The following PRRC1 variants were observed in gnomAD, a reference collection of about 807,000 sequenced individuals.
PRRC1 encodes protein PRRC1.
A neutral mutation model predicts 40.7 loss-of-function variants in PRRC1; 39 were observed. The ratio of observed to expected loss-of-function variants is 0.96; its 90% CI spans 0.74 to 1.25. The LOEUF (loss-of-function observed/expected upper bound fraction) is 1.25. PRRC1 is among the 50% of genes most tolerant of loss of function. The pLI is 0.00. For synonymous variants in PRRC1, 175 were observed against 193.3 expected (o/e 0.91, Z 0.79); for missense variants, 573 against 548.3 (o/e 1.05, Z -0.45).
intron 5 of PRRC1, 31 bp downstream of exon 5, chr5:127,530,427 ATTT>A: frequency 7.5e-7 from 1 of 1,335,484 alleles, no homozygotes; most frequent in Non-Finnish European, 1.0e-6. Context: ...GGTATCTGCC[ATTT>A]TTTTTTTAAG....
Position 127,554,097 on chromosome 5 carries a change from G to A in PRRC1, c.*2181G>A, listed in dbSNP as rs1482589966. ...GATTTCCCTGTTGTAAAAGGGGCAA[G>A]AAAAGTAACTCATCATCTCTAACAC... On this transcript the variant is annotated 3_prime_UTR_variant, in exon 9 of 9. Coordinates refer to ENST00000296666, the MANE Select transcript of PRRC1 (RefSeq NM_130809.5). 1 of 528,134 alleles carries A rather than the reference G, an allele frequency of 1.9e-6. No individual in the cohort carries two copies. The highest frequency in any genetic ancestry group is 3.2e-6 in the Non-Finnish European group (1 of 308,170). 32.7% of individuals were successfully genotyped at this position (528,134 alleles called of 1,614,324 possible).
chr5:127,534,863 C>T (rs1412740002), intron 6 of PRRC1, among the ~76,000 whole-genome samples: 1 of 152,204 alleles, frequency 6.6e-6, no homozygotes, highest in Non-Finnish European at 1.5e-5. Context: ...TCCACACTTG[C>T]TCCCTCTAGC....
At chr5:127,542,567 G>A (rs1768078688) in intron 7 of PRRC1, among the ~76,000 whole-genome samples, 3 of 150,640 alleles carry the variant, frequency 2.0e-5, no homozygotes, top group Non-Finnish European at 1.5e-5. Context: ...CCTGTATTGG[G>A]TGCATATATA....
At position 127,551,912 on chromosome 5, in the gene PRRC1, T is replaced by A; in HGVS notation, c.1334T>A (p.Val445Glu). 1 of 1,614,018 alleles carries A rather than the reference T, an allele frequency of 6.2e-7. No homozygotes were observed. The highest frequency in any genetic ancestry group is 8.5e-7 in the Non-Finnish European group (1 of 1,179,938). The change falls in exon 9 of 9, where the codon GTG becomes GAG. Residue 445 changes from valine to glutamate, a missense_variant. Coordinates refer to ENST00000296666, the MANE Select transcript of PRRC1 (RefSeq NM_130809.5). Reference protein sequence around the residue: ...MYKQRLPPRTV With the variant: ...MYKQRLPPRTE ...AAACAGCGCCTGCCACCCAGGACAG[T>A]GTGAGAGGAGACCTACCTGGGAGAC...
Position 127,552,359 on chromosome 5 carries a change from G to A in PRRC1, c.*443G>A. ...TGTCAGTCTTTGACTACTTTTGTATGTGCACACGATCTCAGGGCTGGTGCT... is the reference window on the plus strand; with the variant it reads ...TGTCAGTCTTTGACTACTTTTGTATATGCACACGATCTCAGGGCTGGTGCT... On this transcript the variant is annotated 3_prime_UTR_variant, in exon 9 of 9. Coordinates refer to ENST00000296666, the MANE Select transcript of PRRC1 (RefSeq NM_130809.5). 1 of 1,012,126 alleles carries A rather than the reference G, an allele frequency of 9.9e-7. No individual in the cohort carries two copies. Among genetic ancestry groups the A allele is most frequent in the Non-Finnish European group, 1.2e-6 (1 of 845,010 alleles). The allele number at this position is 1,012,126 out of a possible 1,614,324, so 62.7% of individuals were successfully genotyped here. A position where few individuals can be genotyped will look rare whatever the true frequency, so the allele number is the denominator to read the frequency against.
Position 127,547,928 on chromosome 5 carries a change from T to A in PRRC1, c.1128+7T>A. The stretch of plus-strand genomic sequence containing the variant: ...TTTGGAATTTGTACAGCAGGTTGGT[T>A]TTCTCCTTTGCTTTTTCATTATGCT... On this transcript the variant is annotated splice_region_variant and intron_variant, in intron 8 of 8. Coordinates refer to ENST00000296666, the MANE Select transcript of PRRC1 (RefSeq NM_130809.5). 6.3e-7 allele frequency: 1 copy of A among 1,585,034 alleles called. No individual in the cohort carries two copies. Among genetic ancestry groups the A allele is most frequent in the Non-Finnish European group, 8.7e-7 (1 of 1,153,546 alleles).
intron 6 of PRRC1, among the ~76,000 whole-genome samples, chr5:127,536,819 C>A (rs1332854851): frequency 3.9e-5 from 6 of 151,952 alleles, no homozygotes; most frequent in Non-Finnish European, 5.9e-5. Flanking sequence ...AACTAAAATT[C>A]ATTGAAACTA....
At chr5:127,545,906 A>G (rs531660952) in intron 7 of PRRC1, among the ~76,000 whole-genome samples, 1 of 140,866 alleles carries the variant, frequency 7.1e-6, no homozygotes, top group South Asian at 2.4e-4. Flanking sequence ...GAATGGTATG[A>G]TTATATGTAT....
intron 7 of PRRC1, among the ~76,000 whole-genome samples, chr5:127,539,854 G>A (rs940689837): frequency 6.6e-6 from 1 of 152,070 alleles, no homozygotes; most frequent in Non-Finnish European, 1.5e-5. Context: ...GTACACAGAT[G>A]AGCAGTTTTA....
chr5:127,545,892 T>TTTA (rs1768205555), intron 7 of PRRC1, among the ~76,000 whole-genome samples: 1 of 151,508 alleles, frequency 6.6e-6, no homozygotes, highest in South Asian at 2.1e-4. Context: ...TTTTTGCGGT[T>TTTA]TTAGAATGGT....
rs758871613 is a variant in PRRC1 at position 127,523,466 on chromosome 5, A to G, written c.-14A>G. The G allele has an allele frequency of 2.1e-5, 33 of 1,551,962 alleles. No homozygotes were observed. The highest frequency in any genetic ancestry group is 2.7e-5 in the African/African-American group (2 of 72,794). On this transcript the variant is annotated 5_prime_UTR_variant, in exon 2 of 9. Transcript: ENST00000296666. Reference sequence around the variant, plus strand: ...CATTTTTGTGTTTTTATAGTATACCATAATTGAAGAAAAATGATGGAAGAG... The same window carrying G: ...CATTTTTGTGTTTTTATAGTATACCGTAATTGAAGAAAAATGATGGAAGAG...
rs1358062707 is a variant in PRRC1, at chr5:127,552,159, A to C, written c.*243A>C. 1 of 1,288,052 alleles carries C rather than the reference A, an allele frequency of 7.8e-7. No individual in the cohort carries two copies. The highest frequency in any genetic ancestry group is 1.5e-5 in the African/African-American group (1 of 67,118). 79.8% of individuals were successfully genotyped at this position (1,288,052 alleles called of 1,614,324 possible). A position where few individuals can be genotyped will look rare whatever the true frequency, so the allele number is the denominator to read the frequency against. On this transcript the variant is annotated 3_prime_UTR_variant, in exon 9 of 9. Transcript: ENST00000296666. ...AGTACTCAAAAAAGAAAATATACAA[A>C]TCTATTTACAGCACAATTTAATATA...
At chr5:127,549,274 T>C (rs1352168386) in intron 8 of PRRC1, 1 of 152,194 alleles carries the variant, frequency 6.6e-6, no homozygotes, top group Non-Finnish European at 1.5e-5. Flanking sequence ...CAGTTCATTC[T>C]GTGAGACTAG....
chr5:127,544,360 G>C (rs530792251), intron 7 of PRRC1, among the ~76,000 whole-genome samples: 1 of 152,332 alleles, frequency 6.6e-6, no homozygotes, highest in African/African-American at 2.4e-5. Context: ...CAGTCTGCCC[G>C]TTCTCAGATC....
chr5:127,544,957 C>T (rs1404375312), intron 7 of PRRC1, among the ~76,000 whole-genome samples: 1 of 152,250 alleles, frequency 6.6e-6, no homozygotes, highest in African/African-American at 2.4e-5. Flanking sequence ...ATGCAGAAAT[C>T]ACCCGTCTTC....
Position 127,533,824 on chromosome 5 carries a change from G to A in PRRC1, c.921+38G>A, listed in dbSNP as rs201791747. 5.0e-6 allele frequency: 8 copies of A among 1,605,020 alleles called. No individual in the cohort carries two copies. The East Asian group carries it at 6.7e-5, about 13-fold the overall frequency. On this transcript the variant is annotated intron_variant, in intron 6 of 8. Transcript: ENST00000296666. ...ACACCATTTTCAGGACATGGAAACT[G>A]GCATTTAATTTTTTCACAATTCTGA...
chr5:127,543,163 T>A, intron 7 of PRRC1, among the ~76,000 whole-genome samples: 1 of 152,310 alleles, frequency 6.6e-6, no homozygotes, highest in East Asian at 1.9e-4. Context: ...AAATTCTGGG[T>A]TGAAAATTCT....
intron 4 of PRRC1, 127 bp downstream of exon 4, chr5:127,526,905 T>C (rs1244635998): frequency 3.8e-5 from 29 of 763,396 alleles, no homozygotes; most frequent in Non-Finnish European, 5.5e-5. Context: ...AGCAGTTTTC[T>C]GTAGCTGCTC....
chr5:127,520,626 G>A (rs1008921293), intron 1 of PRRC1, among the ~76,000 whole-genome samples: 11 of 152,206 alleles, frequency 7.2e-5, no homozygotes, highest in African/African-American at 2.7e-4. Flanking sequence ...ATAGAAAACA[G>A]AGCAGTGTTT....
Sources: allele counts gnomAD v4.1 joint callset (sites outside exome capture counted in the v4.1 genomes callset), GRCh38; gene constraint gnomAD v4.1.1; transcripts MANE v1.5; gene names NCBI Gene and HGNC (gene_info 2026-07-23, HGNC 2026-07-21).